The following CAST variants were observed in gnomAD, a reference collection of about 807,000 sequenced individuals.
The protein encoded by CAST is MIR583 host.
Under a neutral mutation model 119.6 loss-of-function variants are expected in CAST, and 76 were observed. That is an observed-to-expected ratio of 0.64 (90% CI 0.53 to 0.77). The LOEUF is 0.77. Among genes scored for constraint, CAST ranks in the 30% least tolerant of loss-of-function variants. The pLI is 0.00. For missense variants in CAST, 953 were observed against 946.5 expected, an observed-to-expected ratio of 1.01 and a Z score of -0.09; for synonymous variants, 319 against 331.6, an observed-to-expected ratio of 0.96 and a Z score of 0.41.
At chr5:96,563,472 T>A (rs1457661132) in intron 1 of CAST, among the ~76,000 whole-genome samples, 3 of 152,106 alleles carry the variant, frequency 2.0e-5, no homozygotes, top group Admixed American at 6.6e-5. Flanking sequence ...CTTATATATA[T>A]CTATATAAGA....
intron 3 of CAST, among the ~76,000 whole-genome samples, chr5:96,716,726 C>T (rs1015912957): frequency 6.6e-6 from 1 of 152,158 alleles, no homozygotes; most frequent in Non-Finnish European, 1.5e-5. Flanking sequence ...GTACATCTAG[C>T]AGAGCTGTTT....
At chr5:95,967,573 C>T in the CAST span, among the ~76,000 whole-genome samples, 14 of 152,082 alleles carry the variant, frequency 9.2e-5, no homozygotes, top group Admixed American at 1.3e-4. Context: ...GGACAGTTAC[C>T]GCCATGCTAC....
the CAST span, among the ~76,000 whole-genome samples, chr5:96,305,485 G>T: frequency 6.6e-6 from 1 of 151,238 alleles, no homozygotes; most frequent in East Asian, 1.9e-4. Flanking sequence ...GACTTCCAAC[G>T]CTATGTTGAA....
At chr5:96,465,342 G>A in the CAST span, among the ~76,000 whole-genome samples, 2 of 151,986 alleles carry the variant, frequency 1.3e-5, no homozygotes, top group African/African-American at 4.8e-5. Flanking sequence ...AACCATACAT[G>A]TACAAATAAT....
At chr5:96,278,013 G>A in the CAST span, among the ~76,000 whole-genome samples, 1 of 151,780 alleles carries the variant, frequency 6.6e-6, no homozygotes, top group South Asian at 2.1e-4. Context: ...AGGGTGGGGA[G>A]TCTTAATTTT....
intron 1 of CAST, among the ~76,000 whole-genome samples, chr5:96,587,227 A>G (rs1456457829): frequency 1.3e-5 from 2 of 152,246 alleles, no homozygotes; most frequent in Non-Finnish European, 2.9e-5. Context: ...ATTGACTTTA[A>G]GAGCAACCCA....
At position 96,765,233 on chromosome 5, in the gene CAST, G is replaced by T. The variant is rs1283641185; in HGVS notation, c.1945G>T (p.Asp649Tyr). Residue 649 changes from aspartate to tyrosine, a missense_variant, in exon 26 of 32, where the codon GAC (aspartate) becomes TAC (tyrosine). By Grantham distance (160) the Asp-to-Tyr change is radical. Transcript: ENST00000675179. The part of the protein sequence containing the change: ...PPRDTSQSDK[D>Y]LDDALDKLSD... ...ATTTACTTTTCAGCAGAGTGACAAA[G>T]ACCTCGATGATGCCTTGGATAAACT... The T allele has an allele frequency of 6.3e-7, 1 of 1,591,642 alleles. No individual in the cohort carries two copies.
chr5:96,198,506 C>T, the CAST span, among the ~76,000 whole-genome samples: 72 of 152,274 alleles, frequency 4.7e-4, no homozygotes, highest in African/African-American at 1.7e-3. Context: ...CTTTCCTCCA[C>T]ATGGCTCTCC....
the CAST span, among the ~76,000 whole-genome samples, chr5:96,442,479 T>A: frequency 6.6e-6 from 1 of 152,370 alleles, no homozygotes; most frequent in South Asian, 2.1e-4. Context: ...TATGTTATCC[T>A]AAAATGTTAT....
At chr5:96,491,025 C>T in the CAST span, among the ~76,000 whole-genome samples, 1 of 151,616 alleles carries the variant, frequency 6.6e-6, no homozygotes, top group Non-Finnish European at 1.5e-5. Context: ...CTCTTATAAT[C>T]AATAAGGAAA....
intron 1 of CAST, 31 bp downstream of exon 1, chr5:96,662,528 C>A: frequency 7.4e-7 from 1 of 1,350,124 alleles, no homozygotes; most frequent in Non-Finnish European, 9.5e-7. Flanking sequence ...CGTCGCGGGG[C>A]TGGGCGATGG....
Position 96,730,775 on chromosome 5 carries a change from C to G in CAST, c.550-5C>G. On this transcript the variant is annotated splice_polypyrimidine_tract_variant and splice_region_variant and intron_variant, in intron 8 of 31. Coordinates refer to ENST00000675179, the MANE Select transcript of CAST (RefSeq NM_001750.7). Reference sequence around the variant, plus strand: ...TCTGTCAACCTTTTATCCTCACTGTCTTAGACTAAACCACAAGACATGATT... The same window carrying G: ...TCTGTCAACCTTTTATCCTCACTGTGTTAGACTAAACCACAAGACATGATT... 6.2e-7 allele frequency: 1 copy of G among 1,610,812 alleles called. No individual in the cohort carries two copies. Among genetic ancestry groups the G allele is most frequent in the South Asian group, 1.1e-5 (1 of 91,022 alleles).
the CAST span, among the ~76,000 whole-genome samples, chr5:96,508,710 G>T: frequency 6.6e-6 from 1 of 152,178 alleles, no homozygotes; most frequent in Non-Finnish European, 1.5e-5. Flanking sequence ...AAGTTGGAGG[G>T]TCTCAGGAAG....
chr5:96,098,714 TG>T, the CAST span, among the ~76,000 whole-genome samples: 1 of 152,332 alleles, frequency 6.6e-6, no homozygotes, highest in Middle Eastern at 3.4e-3. Flanking sequence ...CATGCTTTTT[TG>T]GTTACTGTAG....
At chr5:96,349,738 A>G in the CAST span, among the ~76,000 whole-genome samples, 3 of 152,116 alleles carry the variant, frequency 2.0e-5, no homozygotes, top group African/African-American at 4.8e-5. Flanking sequence ...GGAACTGGAC[A>G]TTATTTTGTA....
chr5:96,488,918 G>A, the CAST span, among the ~76,000 whole-genome samples: 6 of 152,114 alleles, frequency 3.9e-5, no homozygotes, highest in African/African-American at 7.2e-5. Flanking sequence ...AAATGAAAAT[G>A]GCACAAACCA....
At chr5:96,179,715 G>A in the CAST span, among the ~76,000 whole-genome samples, 19 of 152,332 alleles carry the variant, frequency 1.2e-4, no homozygotes, top group African/African-American at 3.4e-4. Context: ...CACTTGTCAC[G>A]TTGAGAGAAC....
At chr5:96,432,705 C>T in the CAST span, among the ~76,000 whole-genome samples, 2 of 152,174 alleles carry the variant, frequency 1.3e-5, no homozygotes, top group African/African-American at 2.4e-5. Flanking sequence ...CTTTCTCTCT[C>T]TCCAAGCGCG....
the CAST span, among the ~76,000 whole-genome samples, chr5:96,087,566 T>A: frequency 6.6e-6 from 1 of 152,174 alleles, no homozygotes; most frequent in East Asian, 1.9e-4. Flanking sequence ...ACCCCTGGAA[T>A]ACAATATGAA....
Sources: allele counts gnomAD v4.1 joint callset (sites outside exome capture counted in the v4.1 genomes callset), GRCh38; gene constraint gnomAD v4.1.1; transcripts MANE v1.5; gene names NCBI Gene and HGNC (gene_info 2026-07-23, HGNC 2026-07-21).